Variants in PITPNM2 observed in about 807,000 individuals in gnomAD.
PITPNM2 encodes the protein phosphatidylinositol transfer protein membrane associated 2, also known as membrane-associated phosphatidylinositol transfer protein 2.
Under a neutral mutation model 132.2 loss-of-function variants are expected in PITPNM2, and 35 were observed. That is an observed-to-expected ratio of 0.26 (90% CI 0.20 to 0.35). PITPNM2 has a LOEUF of 0.35. Among genes scored for constraint, PITPNM2 ranks in the 10% least tolerant of loss-of-function variants. The pLI, the probability that PITPNM2 is intolerant of heterozygous loss-of-function variation, is 1.00. For synonymous variants in PITPNM2, 738 were observed against 799.2 expected (o/e 0.92, Z 1.29); for missense variants, 1,332 against 1,912.0 (o/e 0.70, Z 5.66).
intron 1 of PITPNM2, among the ~76,000 whole-genome samples, chr12:123,146,452 G>A (rs762086332): frequency 2.6e-5 from 4 of 151,916 alleles, no homozygotes; most frequent in South Asian, 2.1e-4. Flanking sequence ...AAATTAGCCC[G>A]GTGTGGTGGT....
intron 2 of PITPNM2, among the ~76,000 whole-genome samples, chr12:123,049,798 A>G (rs1352786371): frequency 6.6e-6 from 1 of 152,242 alleles, no homozygotes; most frequent in East Asian, 1.9e-4. Context: ...CCTGCACAAA[A>G]GAGAAAAAGA....
Position 123,000,348 on chromosome 12 carries a change from C to T in PITPNM2, c.1224+430G>A, listed in dbSNP as rs996272508. On this transcript the variant is annotated intron_variant, in intron 10 of 25. Coordinates refer to ENST00000320201, the MANE Select transcript of PITPNM2 (RefSeq NM_020845.3). The surrounding 1 kb of genome is among the most constrained non-coding windows in gnomAD (Gnocchi z 5.4). ...TGGACACACTGAGCTCCGCCTGCCT[C>T]CCGCGGGGCCATCTTGTCGGCCACG... 4.3e-6 allele frequency: 3 copies of T among 697,862 alleles called. No individual in the cohort carries two copies. The highest frequency in any genetic ancestry group is 5.4e-5 in the East Asian group (2 of 37,210). 43.2% of individuals were successfully genotyped at this position (697,862 alleles called of 1,614,324 possible).
intron 3 of PITPNM2, among the ~76,000 whole-genome samples, chr12:123,018,573 T>A (rs2039538661): frequency 6.6e-6 from 1 of 151,832 alleles, no homozygotes; most frequent in Admixed American, 6.6e-5. Context: ...GTTCTGGGAT[T>A]ACAGGCATGA....
At chr12:123,073,426 C>G (rs2041675748) in intron 2 of PITPNM2, among the ~76,000 whole-genome samples, 1 of 152,002 alleles carries the variant, frequency 6.6e-6, no homozygotes, top group Admixed American at 6.6e-5. Context: ...TAACAACAGC[C>G]TACCATTCGC....
intron 1 of PITPNM2, among the ~76,000 whole-genome samples, chr12:123,115,924 G>A (rs79110330): frequency 0.059 from 8,979 of 152,298 alleles, 862 homozygotes; most frequent in African/African-American, 0.2. Flanking sequence ...GCTCCAGTAG[G>A]ACCTTGCTTG....
chr12:123,048,452 C>CCGGACTG (rs1411898541), intron 2 of PITPNM2, among the ~76,000 whole-genome samples: 1 of 150,694 alleles, frequency 6.6e-6, no homozygotes, highest in Non-Finnish European at 1.5e-5. Context: ...GTCGCCCAGG[C>CCGGACTG]CGGACTGCGG....
chr12:123,054,108 T>TTCTTTA (rs1373654203), intron 2 of PITPNM2, among the ~76,000 whole-genome samples: 7 of 152,156 alleles, frequency 4.6e-5, no homozygotes, highest in Non-Finnish European at 1.0e-4. Context: ...TTATTTATAA[T>TTCTTTA]TTTTTATTTT....
chr12:123,099,382 T>C lies in PITPNM2; in HGVS notation c.-96+11003A>G, dbSNP rs1342505679. On this transcript the variant is annotated intron_variant, in intron 2 of 25. Coordinates refer to ENST00000320201, the MANE Select transcript of PITPNM2 (RefSeq NM_020845.3). The surrounding 1 kb of genome is among the most constrained non-coding windows in gnomAD (Gnocchi z 4.2). ...ACCCAGCACAGCAAGATTGGGAAGC[T>C]ACTGTTCTGCCAGGGCTTGACTGGC... is the stretch of plus-strand genomic sequence containing the variant. Among the ~76,000 whole-genome samples, 2 of 152,170 alleles carry C rather than the reference T, an allele frequency of 1.3e-5. No individual in the cohort carries two copies. Among genetic ancestry groups the C allele is most frequent in the African/African-American group, 4.8e-5 (2 of 41,444 alleles).
intron 3 of PITPNM2, among the ~76,000 whole-genome samples, chr12:123,030,456 A>G (rs2040043301): frequency 6.6e-6 from 1 of 152,184 alleles, no homozygotes. Context: ...CACTTTGGGA[A>G]GCTGAGGCGG....
chr12:123,083,964 A>G lies in PITPNM2; in HGVS notation c.-96+26421T>C, dbSNP rs1243255991. On this transcript the variant is annotated intron_variant, in intron 2 of 25. Coordinates refer to ENST00000320201, the MANE Select transcript of PITPNM2 (RefSeq NM_020845.3). This position sits in a 1 kb window ranked among gnomAD's most constrained non-coding sequence, Gnocchi z 4.5. ...TGAAATCAGGTGGACCACCTCCCCA[A>G]CCTCAGCAAGCCTGCTGGGGTGACT... 4 of 152,244 alleles carry G rather than the reference A, an allele frequency of 2.6e-5. No homozygotes were observed. Among genetic ancestry groups the G allele is most frequent in the African/African-American group, 7.2e-5 (3 of 41,446 alleles). The allele number at this position is 152,244 out of a possible 1,614,324, so 9.4% of individuals were successfully genotyped here.
At chr12:123,019,108 GA>G (rs552424410) in intron 3 of PITPNM2, among the ~76,000 whole-genome samples, 40 of 152,254 alleles carry the variant, frequency 2.6e-4, no homozygotes, top group African/African-American at 9.4e-4. Context: ...TTGAGGTGAT[GA>G]AAGTGCTCTG....
intron 2 of PITPNM2, among the ~76,000 whole-genome samples, chr12:123,055,580 G>A (rs78525093): frequency 0.054 from 8,230 of 152,230 alleles, 751 homozygotes; most frequent in African/African-American, 0.19. Context: ...GGAACAGCAG[G>A]CTCCTGTGTA....
rs2038479683 is a variant in PITPNM2 at position 122,997,447 on chromosome 12, G to A, written c.1350C>T (p.Asn450=). 1 of 1,613,588 alleles carries A rather than the reference G, an allele frequency of 6.2e-7. No homozygotes were observed. The highest frequency in any genetic ancestry group is 1.3e-5 in the African/African-American group (1 of 75,072). ...GDPSSKKGDA[N]TIANVFDTVM... is the part of the protein sequence containing the mutation. Reference sequence around the variant, plus strand: ...CGGTGTCGAACACGTTGGCGATGGTGTTAGCATCGCCCTTCTTGGAGCTGG... The same window carrying A: ...CGGTGTCGAACACGTTGGCGATGGTATTAGCATCGCCCTTCTTGGAGCTGG... The change falls in exon 11 of 26, where the codon AAC becomes AAT. Residue 450 remains asparagine, a synonymous_variant. Transcript: ENST00000320201.
In PITPNM2 at chr12:123,077,155, G is replaced by A. The variant is rs1317704076; in HGVS notation, c.-96+33230C>T. ...CCTGACCAAACTGTGCCGAGGGGCT[G>A]TCCCAAACAGATGGTGCTATCCAGA... is the stretch of plus-strand genomic sequence containing the variant. On this transcript the variant is annotated intron_variant, in intron 2 of 25. Coordinates refer to ENST00000320201, the MANE Select transcript of PITPNM2 (RefSeq NM_020845.3). This position sits in a 1 kb window ranked among gnomAD's most constrained non-coding sequence, Gnocchi z 4.8. 1.3e-5 allele frequency among the ~76,000 whole-genome samples: 2 copies of A among 152,324 alleles called. No homozygotes were observed. The highest frequency in any genetic ancestry group is 4.1e-4 in the South Asian group (2 of 4,832).
chr12:123,140,168 C>T (rs1188534240), intron 1 of PITPNM2, among the ~76,000 whole-genome samples: 2 of 152,154 alleles, frequency 1.3e-5, no homozygotes, highest in Non-Finnish European at 2.9e-5. Context: ...CCTTAGGCCC[C>T]CGGGGAACGC....
At chr12:123,093,895 C>T (rs1346939202) in intron 2 of PITPNM2, among the ~76,000 whole-genome samples, 2 of 152,242 alleles carry the variant, frequency 1.3e-5, no homozygotes, top group Non-Finnish European at 2.9e-5. Context: ...CCCAACACCA[C>T]CAGAACCCCC....
chr12:123,011,380 C>T (rs1451143071), intron 5 of PITPNM2, among the ~76,000 whole-genome samples: 1 of 152,154 alleles, frequency 6.6e-6, no homozygotes, highest in African/African-American at 2.4e-5. Flanking sequence ...CCATGTGAGC[C>T]GGCAAAGACC....
Position 122,987,360 on chromosome 12 carries a change from T to C in PITPNM2, c.3334A>G (p.Ile1112Val), listed in dbSNP as rs769057158. Reference protein sequence around the residue: ...PKGTEFVVFSIDGSFAASVSI... With the variant: ...PKGTEFVVFSVDGSFAASVSI... The stretch of plus-strand genomic sequence containing the variant: ...ACGCTAGCGGCAAAGGAACCGTCGA[T>C]GCTGAAGACCACGAACTCTGTGCCC... Residue 1112 changes from isoleucine to valine, a missense_variant, in exon 23 of 26, where the codon ATC becomes GTC. Physicochemically the swap from Ile to Val is conservative, Grantham distance 29. This residue lies in a region of PITPNM2 where 251 missense variants were observed against 472.0 expected (regional missense o/e 0.53). Transcript: ENST00000320201. The C allele has an allele frequency of 3.7e-6, 6 of 1,613,382 alleles. No homozygotes were observed. Among genetic ancestry groups the C allele is most frequent in the Non-Finnish European group, 4.2e-6 (5 of 1,180,034 alleles).
In PITPNM2 at chr12:123,064,342, C is replaced by A. The variant is rs1257565337; in HGVS notation, c.-95-29657G>T. ...TCCTCATTCTGGGCCCAGGGTGACA[C>A]CAAACCGATCCCAACCAGCACCCCA... On this transcript the variant is annotated intron_variant, in intron 2 of 25. Transcript: ENST00000320201. The surrounding 1 kb of genome is among the most constrained non-coding windows in gnomAD (Gnocchi z 4.0). Among the ~76,000 whole-genome samples, 2 of 152,184 alleles carry A rather than the reference C, an allele frequency of 1.3e-5. No individual in the cohort carries two copies. Among genetic ancestry groups the A allele is most frequent in the Non-Finnish European group, 1.5e-5 (1 of 68,034 alleles).
Sources: allele counts gnomAD v4.1 joint callset (sites outside exome capture counted in the v4.1 genomes callset), GRCh38; gene constraint gnomAD v4.1.1; regional missense constraint gnomAD v4.1.1; non-coding constraint Gnocchi (gnomAD v3.1); transcripts MANE v1.5; gene names NCBI Gene and HGNC (gene_info 2026-07-23, HGNC 2026-07-21).